DISP1: variants seen among roughly 807,000 people sequenced by gnomAD.
DISP1 encodes the protein dispatched RND transporter family member 1, also known as protein dispatched homolog 1.
DISP1 carries 30 observed loss-of-function variants against 37.3 expected under a neutral mutation model. That is an observed-to-expected ratio of 0.80 (90% CI 0.60 to 1.09). The LOEUF (loss-of-function observed/expected upper bound fraction) is 1.09, where lower values mean the gene tolerates loss of function less well. Among genes scored for constraint, DISP1 ranks in the 50% least tolerant of loss-of-function variants. The pLI is 0.00. For missense variants in DISP1, 1,598 were observed against 1,879.5 expected (o/e 0.85, Z 2.77); for synonymous variants, 634 against 690.2 (o/e 0.92, Z 1.28).
intron 1 of DISP1, among the ~76,000 whole-genome samples, chr1:222,862,445 A>T (rs902070950): frequency 6.6e-6 from 1 of 152,082 alleles, no homozygotes; most frequent in Non-Finnish European, 1.5e-5. Flanking sequence ...AAAATCTAGT[A>T]ATTTAACATT....
chr1:222,944,880 G>T (rs1472687622), intron 3 of DISP1, among the ~76,000 whole-genome samples: 2 of 152,198 alleles, frequency 1.3e-5, no homozygotes, highest in African/African-American at 4.8e-5. Context: ...TGATTAAAGA[G>T]TCAGGGCTGG....
intron 1 of DISP1, among the ~76,000 whole-genome samples, chr1:222,819,937 G>A (rs1423741713): frequency 6.6e-6 from 1 of 151,690 alleles, no homozygotes; most frequent in Non-Finnish European, 1.5e-5. Context: ...TAATCTTTTT[G>A]CTTAAATATT....
intron 1 of DISP1, among the ~76,000 whole-genome samples, chr1:222,849,660 T>TA (rs1232331588): frequency 6.6e-6 from 1 of 152,166 alleles, no homozygotes; most frequent in Non-Finnish European, 1.5e-5. Context: ...AGTAGACTGT[T>TA]ACAGGCCATA....
intron 1 of DISP1, among the ~76,000 whole-genome samples, chr1:222,856,947 G>A (rs745677852): frequency 1.3e-5 from 2 of 151,958 alleles, no homozygotes; most frequent in Non-Finnish European, 2.9e-5. Flanking sequence ...CATGTGATCT[G>A]CCTGCCTCGG....
chr1:222,963,239 G>A (rs1014794973), intron 3 of DISP1, among the ~76,000 whole-genome samples: 4 of 152,194 alleles, frequency 2.6e-5, no homozygotes, highest in Admixed American at 2.6e-4. Context: ...TCTCACGCCA[G>A]TCAAAATGGA....
chr1:222,928,459 T>A lies in DISP1; in HGVS notation c.-129T>A, dbSNP rs938399449. On this transcript the variant is annotated 5_prime_UTR_variant, in exon 2 of 9. Transcript: ENST00000675850. ...TCCTGCCGCTCTGTGGAGCTGCGCC[T>A]GCCAACTCATTGCTTTCTGCTGTGC... 23 of 152,368 alleles carry A rather than the reference T, an allele frequency of 1.5e-4. No homozygotes were observed. The highest frequency in any genetic ancestry group is 5.0e-4 in the African/African-American group (21 of 41,592). 9.4% of individuals were successfully genotyped at this position (152,368 alleles called of 1,614,324 possible).
At chr1:222,949,102 A>G (rs529597114) in intron 3 of DISP1, among the ~76,000 whole-genome samples, 3 of 152,116 alleles carry the variant, frequency 2.0e-5, no homozygotes, top group Non-Finnish European at 2.9e-5. Context: ...GTTCCGATTA[A>G]TAAAATTAAG....
intron 1 of DISP1, among the ~76,000 whole-genome samples, chr1:222,917,694 G>A (rs371540134): frequency 3.9e-5 from 6 of 152,128 alleles, no homozygotes; most frequent in Non-Finnish European, 5.9e-5. Flanking sequence ...TGCCTTGTAC[G>A]GTCTTCTTTT....
At chr1:222,976,154 G>A (rs1000046299) in intron 3 of DISP1, among the ~76,000 whole-genome samples, 8 of 152,006 alleles carry the variant, frequency 5.3e-5, no homozygotes, top group Non-Finnish European at 1.0e-4. Context: ...TTCTCTCTCC[G>A]AGGTTAGATT....
chr1:222,951,692 T>A (rs1404557177), intron 3 of DISP1, among the ~76,000 whole-genome samples: 1 of 152,250 alleles, frequency 6.6e-6, no homozygotes, highest in African/African-American at 2.4e-5. Flanking sequence ...TTCACTTATT[T>A]AGCAAGTGCT....
At chr1:222,878,649 T>A (rs567707315) in intron 1 of DISP1, among the ~76,000 whole-genome samples, 92 of 152,258 alleles carry the variant, frequency 6.0e-4, no homozygotes, top group South Asian at 2.5e-3. Context: ...TTAAGGTGAA[T>A]CATAAAATAT....
At chr1:222,864,415 T>A (rs564305262) in intron 1 of DISP1, among the ~76,000 whole-genome samples, 1 of 152,270 alleles carries the variant, frequency 6.6e-6, no homozygotes, top group African/African-American at 2.4e-5. Context: ...AGTAAATAGC[T>A]CTCTTCTTAC....
intron 1 of DISP1, among the ~76,000 whole-genome samples, chr1:222,919,910 A>C (rs550819840): frequency 4.6e-5 from 7 of 152,266 alleles, no homozygotes; most frequent in Non-Finnish European, 7.4e-5. Flanking sequence ...ATACAACTTC[A>C]TTTTATTTTT....
intron 2 of DISP1, among the ~76,000 whole-genome samples, chr1:222,937,796 CTTTTTTTTT>C (rs10714424): frequency 3.5e-5 from 2 of 56,502 alleles, no homozygotes; most frequent in Admixed American, 4.0e-4. Flanking sequence ...AATAGCTTGC[CTTTTTTTTT>C]TTTTTTTTTT....
At chr1:222,847,663 C>G (rs996589304) in intron 1 of DISP1, among the ~76,000 whole-genome samples, 2 of 152,078 alleles carry the variant, frequency 1.3e-5, no homozygotes, top group East Asian at 3.9e-4. Context: ...CAGTGGAAAC[C>G]TGGATTCTAT....
intron 1 of DISP1, among the ~76,000 whole-genome samples, chr1:222,920,117 G>A (rs1672730358): frequency 6.6e-6 from 1 of 152,086 alleles, no homozygotes; most frequent in Admixed American, 6.5e-5. Context: ...AATGTTTGAT[G>A]TCTTACAGAA....
chr1:223,004,947 A>C lies in DISP1; in HGVS notation c.3550A>C (p.Lys1184Gln), dbSNP rs1372168474. The C allele has an allele frequency of 6.2e-7, 1 of 1,613,528 alleles. No homozygotes were observed. The highest frequency in any genetic ancestry group is 8.5e-7 in the Non-Finnish European group (1 of 1,180,016). ...TTATCATTTAGATCCCAGGGGCCCA[A>C]AATCTGAACTGGAGCATGAGTTTTA... ...NAYHLDPRGP[K>Q]SELEHEFYEL... Residue 1184 changes from lysine to glutamine, a missense_variant, in exon 9 of 9, where the codon AAA becomes CAA. By Grantham distance (53) the Lys-to-Gln change is moderately conservative. Coordinates refer to ENST00000675850, the MANE Select transcript of DISP1 (RefSeq NM_001377229.1). This position sits in a 1 kb window ranked among gnomAD's most constrained non-coding sequence, Gnocchi z 4.9.
chr1:222,848,636 A>C (rs1212960817), intron 1 of DISP1, among the ~76,000 whole-genome samples: 3 of 152,164 alleles, frequency 2.0e-5, no homozygotes, highest in African/African-American at 7.2e-5. Flanking sequence ...GTCTTATTTC[A>C]TTTAACAAAT....
chr1:222,952,326 A>G (rs1294098612), intron 3 of DISP1, among the ~76,000 whole-genome samples: 1 of 152,214 alleles, frequency 6.6e-6, no homozygotes, highest in Non-Finnish European at 1.5e-5. Flanking sequence ...CGTTTCCATC[A>G]TTGCAGAGAG....
Sources: gnomAD v4.1 joint callset for allele counts (sites outside exome capture counted in the v4.1 genomes callset) on GRCh38, gnomAD v4.1.1 for gene constraint, Gnocchi (gnomAD v3.1) non-coding constraint, MANE v1.5 for transcripts, NCBI Gene and HGNC (gene_info 2026-07-23, HGNC 2026-07-21) for gene names.